Variants in UNKL observed in about 807,000 individuals in gnomAD.
UNKL encodes the protein putative E3 ubiquitin-protein ligase UNKL.
Under a neutral mutation model 78.0 loss-of-function variants are expected in UNKL, and 60 were observed. The ratio of observed to expected loss-of-function variants is 0.77; its 90% CI spans 0.63 to 0.95. The LOEUF is 0.95. Among genes scored for constraint, UNKL ranks in the 40% least tolerant of loss-of-function variants. The pLI is 0.00. For missense variants in UNKL, 1,159 were observed against 1,045.7 expected (o/e 1.11, Z -1.49); for synonymous variants, 608 against 474.8 (o/e 1.28, Z -3.65).
At chr16:1,375,030 C>A (rs983021747) in intron 10 of UNKL, among the ~76,000 whole-genome samples, 10 of 152,228 alleles carry the variant, frequency 6.6e-5, no homozygotes, top group Admixed American at 5.9e-4. Context: ...TCCCTGGAAG[C>A]AGCTGGCACC....
intron 3 of UNKL, among the ~76,000 whole-genome samples, chr16:1,402,595 A>G (rs2037577404): frequency 6.6e-6 from 1 of 152,026 alleles, no homozygotes; most frequent in East Asian, 1.9e-4. Flanking sequence ...CCCAGGAGGT[A>G]GACGTTGCAG....
At chr16:1,400,552 T>G (rs1236863618) in intron 4 of UNKL, among the ~76,000 whole-genome samples, 1 of 150,448 alleles carries the variant, frequency 6.6e-6, no homozygotes, top group Non-Finnish European at 1.5e-5. Flanking sequence ...GAGGAACTGC[T>G]CATAAGCAGG....
chr16:1,381,131 G>A (rs2036590801), intron 10 of UNKL, among the ~76,000 whole-genome samples: 2 of 152,328 alleles, frequency 1.3e-5, no homozygotes, highest in South Asian at 4.1e-4. Context: ...CGCGGATGCA[G>A]CCACGCCTCT....
intron 6 of UNKL, among the ~76,000 whole-genome samples, chr16:1,394,780 G>A (rs1327126249): frequency 6.6e-6 from 1 of 152,144 alleles, no homozygotes; most frequent in Admixed American, 6.5e-5. Context: ...ACCTGCCTGG[G>A]TCCCAGCAGG....
Position 1,413,865 on chromosome 16 carries a change from C to T in UNKL, c.268G>A (p.Val90Met). ...GCTTACTCGTCGCCGTCGGGGCACA[C>T]GCCGGTGGCTTCGTTGTACTTGGAG... ...YCSKYNEATGVCPDGDECPYL... is the reference protein window; with the variant it reads ...YCSKYNEATGMCPDGDECPYL... The change falls in exon 2 of 15, where the codon GTG becomes ATG. Residue 90 changes from valine to methionine, a missense_variant. Transcript: ENST00000389221. 6.5e-7 allele frequency: 1 copy of T among 1,529,922 alleles called. No individual in the cohort carries two copies. Among genetic ancestry groups the T allele is most frequent in the Non-Finnish European group, 8.8e-7 (1 of 1,129,954 alleles). 94.8% of individuals were successfully genotyped at this position (1,529,922 alleles called of 1,614,324 possible). A position where few individuals can be genotyped will look rare whatever the true frequency, so the allele number is the denominator to read the frequency against.
At position 1,367,157 on chromosome 16, in the gene UNKL, T is replaced by C. The variant is rs1475363697; in HGVS notation, c.1981A>G (p.Ile661Val). The change falls in exon 14 of 15, where the codon ATT becomes GTT. Residue 661 changes from isoleucine to valine, a missense_variant. Ile to Val is a conservative substitution (Grantham distance 29, BLOSUM62 3). Coordinates refer to ENST00000389221, the MANE Select transcript of UNKL (RefSeq NM_001372107.1). ...AGCGAGTGCAGCTTCGGCAGGGGAA[T>C]GGTGCCGATGTCCCCACAGCCCCGC... ...GLRGCGDIGT[I>V]PLPKLHSLQS... 1.2e-6 allele frequency: 2 copies of C among 1,603,708 alleles called. No homozygotes were observed. Among genetic ancestry groups the C allele is most frequent in the Non-Finnish European group, 1.7e-6 (2 of 1,177,284 alleles).
intron 2 of UNKL, among the ~76,000 whole-genome samples, chr16:1,410,187 G>A (rs967059898): frequency 1.3e-5 from 2 of 151,848 alleles, no homozygotes; most frequent in African/African-American, 4.8e-5. Context: ...GACTGCTTAA[G>A]TCCGGGAGGT....
chr16:1,390,774 A>G, intron 8 of UNKL, 80 bp from the exon 9 acceptor site: 1 of 1,472,930 alleles, frequency 6.8e-7, no homozygotes, highest in East Asian at 2.5e-5. Context: ...GGCTGGGCAC[A>G]GTGGCAGCAC....
At chr16:1,370,571 G>A (rs1379637813) in intron 11 of UNKL, among the ~76,000 whole-genome samples, 1 of 152,150 alleles carries the variant, frequency 6.6e-6, no homozygotes, top group Non-Finnish European at 1.5e-5. Context: ...GCAAGCCATG[G>A]GCTCAAAGGG....
chr16:1,375,538 C>A (rs555247934), intron 10 of UNKL, among the ~76,000 whole-genome samples: 1 of 152,318 alleles, frequency 6.6e-6, no homozygotes, highest in East Asian at 1.9e-4. Context: ...AGAACCTGAA[C>A]CCCTGGGGCG....
chr16:1,379,935 G>A (rs767186120), intron 10 of UNKL, among the ~76,000 whole-genome samples: 7 of 152,304 alleles, frequency 4.6e-5, no homozygotes, highest in Non-Finnish European at 8.8e-5. Context: ...CTGCCCACCT[G>A]CACCTGCAGC....
At chr16:1,396,087 G>A (rs1000515215) in intron 6 of UNKL, among the ~76,000 whole-genome samples, 17 of 151,418 alleles carry the variant, frequency 1.1e-4, no homozygotes, top group African/African-American at 2.4e-4. Context: ...GACTATAGGC[G>A]CGCACCACTA....
chr16:1,369,938 G>A (rs2035653142), intron 12 of UNKL, 192 bp downstream of exon 12: 1 of 1,547,682 alleles, frequency 6.5e-7, no homozygotes, highest in Admixed American at 2.0e-5. Flanking sequence ...TCGTACCATT[G>A]CAGTCCAACC....
intron 10 of UNKL, among the ~76,000 whole-genome samples, chr16:1,377,029 GC>G (rs954221495): frequency 1.3e-5 from 2 of 151,670 alleles, no homozygotes; most frequent in African/African-American, 2.4e-5. Flanking sequence ...GCCACACCCA[GC>G]CCCCCCAACC....
chr16:1,396,535 C>A (rs1015264068), intron 6 of UNKL, among the ~76,000 whole-genome samples: 6 of 152,002 alleles, frequency 3.9e-5, no homozygotes, highest in Admixed American at 3.9e-4. Context: ...CTCTGCCTCC[C>A]AAAGTGCTGA....
At position 1,366,229 on chromosome 16, in the gene UNKL, C is replaced by A. The variant is rs1425790478; in HGVS notation, c.*11G>T. ...AGGGTGCCCAGCAGGAGGTGGCTGT[C>A]CCCGCTGAGGTCACCACTGCAGGGG... On this transcript the variant is annotated 3_prime_UTR_variant, in exon 15 of 15. Coordinates refer to ENST00000389221, the MANE Select transcript of UNKL (RefSeq NM_001372107.1). 1.3e-6 allele frequency: 2 copies of A among 1,519,632 alleles called. No individual in the cohort carries two copies. The highest frequency in any genetic ancestry group is 1.8e-6 in the Non-Finnish European group (2 of 1,127,424). The allele number at this position is 1,519,632 out of a possible 1,614,324, so 94.1% of individuals were successfully genotyped here.
rs73490021 is a variant in UNKL at position 1,406,858 on chromosome 16, C to T, written c.288-3514G>A. Among the ~76,000 whole-genome samples the T allele has an allele frequency of 6.0e-3, 908 of 152,152 alleles. 10 individuals carry two copies. The highest frequency in any genetic ancestry group is 0.021 in the African/African-American group (873 of 41,514). On this transcript the variant is annotated intron_variant, in intron 2 of 14. Transcript: ENST00000389221. ...TTTAATAGAAAGATCAGACTCCTGG[C>T]CGGGCACAGTGGCTCACGCCTGTCA... is the stretch of plus-strand genomic sequence containing the variant.
At chr16:1,398,580 G>C in intron 5 of UNKL, 1 of 1,404,884 alleles carries the variant, frequency 7.1e-7, no homozygotes, top group Non-Finnish European at 9.2e-7. Flanking sequence ...ATTCAAAAGA[G>C]GCGAGGGTGG....
chr16:1,402,905 T>C (rs960548542), intron 3 of UNKL, among the ~76,000 whole-genome samples: 13 of 151,202 alleles, frequency 8.6e-5, no homozygotes, highest in African/African-American at 2.7e-4. Flanking sequence ...GGCAGGAGAA[T>C]GGTGTGAACC....
Sources: gnomAD v4.1 joint callset for allele counts (sites outside exome capture counted in the v4.1 genomes callset) on GRCh38, gnomAD v4.1.1 for gene constraint, MANE v1.5 for transcripts, NCBI Gene and HGNC (gene_info 2026-07-23, HGNC 2026-07-21) for gene names.